The following EBF1 variants were observed in gnomAD, a reference collection of about 807,000 sequenced individuals.
The protein encoded by EBF1 is transcription factor COE1.
Under a neutral mutation model 68.4 loss-of-function variants are expected in EBF1, and 10 were observed. The ratio of observed to expected loss-of-function variants is 0.15; its 90% CI spans 0.09 to 0.25. The LOEUF is 0.25. EBF1 is among the 10% of genes least tolerant of loss of function. EBF1 has a pLI of 1.00. For synonymous variants in EBF1, 298 were observed against 299.8 expected, an observed-to-expected ratio of 0.99 and a Z score of 0.06; for missense variants, 509 against 794.4, an observed-to-expected ratio of 0.64 and a Z score of 4.32.
intron 6 of EBF1, among the ~76,000 whole-genome samples, chr5:158,974,874 A>AGC (rs774822135): frequency 1.3e-5 from 2 of 152,236 alleles, no homozygotes; most frequent in Non-Finnish European, 2.9e-5. Flanking sequence ...GAAAAAACAC[A>AGC]GCCCATCTTC....
intron 7 of EBF1, among the ~76,000 whole-genome samples, chr5:158,832,228 T>C (rs1410992933): frequency 6.6e-6 from 1 of 152,218 alleles, no homozygotes; most frequent in Non-Finnish European, 1.5e-5. Flanking sequence ...TAGAAATACA[T>C]GTTCTCTAAG....
At chr5:158,815,406 G>A (rs1455861378) in intron 8 of EBF1, among the ~76,000 whole-genome samples, 1 of 152,038 alleles carries the variant, frequency 6.6e-6, no homozygotes, top group Non-Finnish European at 1.5e-5. Flanking sequence ...GTAAAATGGT[G>A]ATAATAATTA....
intron 6 of EBF1, among the ~76,000 whole-genome samples, chr5:159,057,551 A>C (rs532904169): frequency 2.3e-3 from 353 of 152,314 alleles, no homozygotes; most frequent in African/African-American, 8.0e-3. Flanking sequence ...GATTGCACAC[A>C]AGGTGAAATG....
intron 10 of EBF1, among the ~76,000 whole-genome samples, chr5:158,759,347 G>C (rs1431954668): frequency 2.0e-5 from 3 of 152,134 alleles, no homozygotes; most frequent in Admixed American, 1.3e-4. Flanking sequence ...AGTCAGAAAG[G>C]GAGAGACAGA....
At chr5:159,015,680 C>T (rs574571117) in intron 6 of EBF1, among the ~76,000 whole-genome samples, 1 of 152,306 alleles carries the variant, frequency 6.6e-6, no homozygotes, top group African/African-American at 2.4e-5. Context: ...CCCCATCCCA[C>T]CAAAGCCCAC....
intron 6 of EBF1, among the ~76,000 whole-genome samples, chr5:159,046,251 C>A (rs993949367): frequency 6.6e-6 from 1 of 152,164 alleles, no homozygotes; most frequent in Non-Finnish European, 1.5e-5. Context: ...CCTCTCAGTG[C>A]ACAGACCCTC....
At chr5:158,937,051 C>T (rs954974785) in intron 6 of EBF1, among the ~76,000 whole-genome samples, 2 of 151,868 alleles carry the variant, frequency 1.3e-5, no homozygotes, top group African/African-American at 4.8e-5. Context: ...TGGGGAGGGT[C>T]ATTTCAGTCT....
At chr5:159,042,586 CTGTGTG>C (rs112231991) in intron 6 of EBF1, among the ~76,000 whole-genome samples, 1 of 148,528 alleles carries the variant, frequency 6.7e-6, no homozygotes, top group African/African-American at 2.5e-5. Flanking sequence ...AATTCTTTGC[CTGTGTG>C]TGTGTGTGTG....
intron 6 of EBF1, among the ~76,000 whole-genome samples, chr5:158,995,823 C>A (rs1212694023): frequency 1.3e-5 from 2 of 152,162 alleles, no homozygotes; most frequent in Non-Finnish European, 2.9e-5. Context: ...GAGGGTGGCC[C>A]TTGCCTGAAA....
intron 11 of EBF1, among the ~76,000 whole-genome samples, chr5:158,729,707 G>C (rs1346889277): frequency 3.3e-5 from 5 of 152,194 alleles, no homozygotes; most frequent in Admixed American, 6.5e-5. Context: ...AAAAGGAAAG[G>C]GAAGGACAGC....
At chr5:158,985,972 G>T (rs1325490983) in intron 6 of EBF1, 1 of 152,456 alleles carries the variant, frequency 6.6e-6, no homozygotes, top group African/African-American at 2.4e-5. Flanking sequence ...GAGCTCTAGG[G>T]CACATACCAC....
intron 10 of EBF1, among the ~76,000 whole-genome samples, chr5:158,737,206 C>A (rs952185391): frequency 6.8e-6 from 1 of 146,072 alleles, no homozygotes; most frequent in African/African-American, 2.5e-5. Context: ...CCAACATAGG[C>A]AGAATTAACC....
intron 7 of EBF1, among the ~76,000 whole-genome samples, chr5:158,838,331 A>G (rs1160164580): frequency 1.3e-5 from 2 of 151,596 alleles, no homozygotes; most frequent in African/African-American, 4.8e-5. Flanking sequence ...CTGTAGTCCC[A>G]GCTACTCCAG....
At chr5:158,885,363 C>T (rs558870588) in intron 6 of EBF1, among the ~76,000 whole-genome samples, 24 of 152,208 alleles carry the variant, frequency 1.6e-4, no homozygotes, top group Middle Eastern at 3.4e-3. Flanking sequence ...AAAGAGGACA[C>T]GAGAAAGAGA....
At chr5:158,729,648 A>G (rs1763666582) in intron 11 of EBF1, among the ~76,000 whole-genome samples, 1 of 152,210 alleles carries the variant, frequency 6.6e-6, no homozygotes, top group Non-Finnish European at 1.5e-5. Flanking sequence ...AAATAATATT[A>G]AATAACCTGT....
chr5:158,940,085 C>T (rs1394634304), intron 6 of EBF1, among the ~76,000 whole-genome samples: 3 of 152,184 alleles, frequency 2.0e-5, no homozygotes, highest in Admixed American at 2.0e-4. Context: ...CTTGCCTCGC[C>T]CTGGTGCATT....
chr5:158,909,733 T>A (rs1487125012), intron 6 of EBF1, among the ~76,000 whole-genome samples: 1 of 151,892 alleles, frequency 6.6e-6, no homozygotes, highest in East Asian at 1.9e-4. Context: ...GGTCAGGAGA[T>A]CGAGACCATC....
At chr5:159,008,826 C>A (rs1195200688) in intron 6 of EBF1, among the ~76,000 whole-genome samples, 3 of 152,058 alleles carry the variant, frequency 2.0e-5, no homozygotes, top group African/African-American at 7.2e-5. Flanking sequence ...TGTGAGCCAC[C>A]GCGCCCAGCC....
At position 158,834,746 on chromosome 5, in the gene EBF1, T is replaced by C. The variant is rs371754524; in HGVS notation, c.636+5283A>G. ...ATGTCAAGAGATCAACAACCTTTCT[T>C]ATGTCCTCCTCAGTCACCTACACAG... On this transcript the variant is annotated intron_variant, in intron 7 of 15. Transcript: ENST00000313708. Among the ~76,000 whole-genome samples, 4 of 152,196 alleles carry C rather than the reference T, an allele frequency of 2.6e-5. No homozygotes were observed. In the East Asian group the frequency reaches 7.7e-4, roughly 29 times the overall value.
Sources: gnomAD v4.1 joint callset for allele counts (sites outside exome capture counted in the v4.1 genomes callset) on GRCh38, gnomAD v4.1.1 for gene constraint, MANE v1.5 for transcripts, NCBI Gene and HGNC (gene_info 2026-07-23, HGNC 2026-07-21) for gene names.